The following KLC1 variants were observed in gnomAD, a reference collection of about 807,000 sequenced individuals.
The protein encoded by KLC1 is kinesin 2 60/70kDa.
KLC1 carries 30 observed loss-of-function variants against 84.2 expected under a neutral mutation model. The observed-to-expected ratio is 0.36, with a 90% CI of 0.27 to 0.48. The LOEUF (loss-of-function observed/expected upper bound fraction) is 0.48, where lower values mean the gene tolerates loss of function less well. Among genes scored for constraint, KLC1 ranks in the 20% least tolerant of loss-of-function variants. The pLI, the probability that KLC1 is intolerant of heterozygous loss-of-function variation, is 0.99. For synonymous variants in KLC1, 289 were observed against 293.3 expected (o/e 0.99, Z 0.15); for missense variants, 499 against 805.4 (o/e 0.62, Z 4.60).
intron 3 of KLC1, among the ~76,000 whole-genome samples, chr14:103,658,481 G>T (rs374787389): frequency 4.5e-5 from 6 of 133,916 alleles, no homozygotes; most frequent in African/African-American, 1.5e-4. Flanking sequence ...CACTGTTTTG[G>T]CCAGGCTGGT....
At position 103,679,372 on chromosome 14, in the gene KLC1, C is replaced by T. The variant is rs1358026959; in HGVS notation, c.1489-12C>T. 2 of 1,613,560 alleles carry T rather than the reference C, an allele frequency of 1.2e-6. No homozygotes were observed. Among genetic ancestry groups the T allele is most frequent in the Admixed American group, 1.7e-5 (1 of 59,974 alleles). On this transcript the variant is annotated splice_polypyrimidine_tract_variant and intron_variant, in intron 12 of 16. Transcript: ENST00000334553. ...TAATGGGTCAAACCATTTTCCCCTG[C>T]CTGGCTCACAGGGTCTTGACAATGT...
chr14:103,657,518 A>G (rs2078929738), intron 2 of KLC1, 28 bp from the exon 3 acceptor site: 3 of 1,578,268 alleles, frequency 1.9e-6, no homozygotes, highest in Admixed American at 1.7e-5. Context: ...AACGTGCCAC[A>G]GTGCTGCACA....
chr14:103,644,306 C>T (rs1326817701), intron 1 of KLC1, among the ~76,000 whole-genome samples: 2 of 149,604 alleles, frequency 1.3e-5, no homozygotes, highest in Non-Finnish European at 3.0e-5. Flanking sequence ...GTCGCCCAGG[C>T]TGGAGTGCAG....
chr14:103,633,712 C>G (rs2076853940), intron 1 of KLC1, among the ~76,000 whole-genome samples: 1 of 152,082 alleles, frequency 6.6e-6, no homozygotes, highest in South Asian at 2.1e-4. Flanking sequence ...TGCTCTGGCC[C>G]TACTCAAGCA....
intron 1 of KLC1, among the ~76,000 whole-genome samples, chr14:103,635,748 C>T (rs1358304523): frequency 1.3e-5 from 2 of 150,928 alleles, no homozygotes; most frequent in Admixed American, 1.3e-4. Flanking sequence ...GTGAGACTCC[C>T]ATCTCAAAAA....
chr14:103,663,148 C>T (rs1240420571), intron 5 of KLC1, among the ~76,000 whole-genome samples: 6 of 150,290 alleles, frequency 4.0e-5, no homozygotes, highest in Non-Finnish European at 7.4e-5. Flanking sequence ...GGTGTGATCT[C>T]GGTTCACTGC....
chr14:103,670,385 G>T (rs2151667944), intron 7 of KLC1, 102 bp downstream of exon 7: 1 of 711,520 alleles, frequency 1.4e-6, no homozygotes, highest in South Asian at 1.8e-5. Flanking sequence ...TCACCGGGCT[G>T]GAGTGCGGTG....
At chr14:103,675,889 C>G (rs749054089) in intron 11 of KLC1, 133 bp downstream of exon 11, 7 of 695,006 alleles carry the variant, frequency 1.0e-5, no homozygotes, top group Non-Finnish European at 1.7e-5. Context: ...TCCCGAATTC[C>G]AATTAAAAAA....
chr14:103,669,436 A>G lies in KLC1; in HGVS notation c.798-75A>G. 3.2e-6 allele frequency: 3 copies of G among 933,412 alleles called. No homozygotes were observed. The South Asian group carries it at 4.3e-5, about 14-fold the overall frequency. The allele number at this position is 933,412 out of a possible 1,614,324, so 57.8% of individuals were successfully genotyped here. Reference sequence around the variant, plus strand: ...GCAACAGAGTCAGACTCTGTCTAAAAAAAAAGAAAAGAAAAGAAAAGAAAA... The same window carrying G: ...GCAACAGAGTCAGACTCTGTCTAAAGAAAAAGAAAAGAAAAGAAAAGAAAA... On this transcript the variant is annotated intron_variant, in intron 5 of 16. Transcript: ENST00000334553.
chr14:103,637,774 G>T (rs925188924), intron 1 of KLC1, among the ~76,000 whole-genome samples: 5 of 151,964 alleles, frequency 3.3e-5, no homozygotes, highest in Admixed American at 3.3e-4. Context: ...TGTCACAGTC[G>T]TGGCTCAGTG....
intron 15 of KLC1, chr14:103,695,419 A>ATT (rs2082385170): frequency 8.1e-6 from 8 of 984,680 alleles, no homozygotes; most frequent in Admixed American, 1.2e-4. Flanking sequence ...CCCCCCCAAA[A>ATT]AAAGGGGGGT....
intron 1 of KLC1, among the ~76,000 whole-genome samples, chr14:103,633,330 T>A (rs2151258949): frequency 6.6e-6 from 1 of 152,146 alleles, no homozygotes; most frequent in East Asian, 1.9e-4. Flanking sequence ...GTGCTGGGAT[T>A]ACAGGCGTGA....
At chr14:103,688,400 C>G (rs1180594252) in intron 14 of KLC1, among the ~76,000 whole-genome samples, 1 of 152,182 alleles carries the variant, frequency 6.6e-6, no homozygotes, top group Admixed American at 6.5e-5. Flanking sequence ...ATCTTCCCGT[C>G]TCGGCCTCCC....
Position 103,654,648 on chromosome 14 carries a change from A to C in KLC1, c.84A>C (p.Thr28=), listed in dbSNP as rs200795613. 6.1e-5 allele frequency: 99 copies of C among 1,614,226 alleles called. No individual in the cohort carries two copies. In the East Asian group the frequency reaches 2.2e-3, roughly 36 times the overall value. Residue 28 remains threonine, a synonymous_variant, in exon 2 of 17, where the codon ACA becomes ACC. Coordinates refer to ENST00000334553, the MANE Select transcript of KLC1 (RefSeq NM_001394837.1). ...CACAGGATGAAATTATTTCTAAGAC[A>C]AAGCAAGTAATTCAGGGGCTGGAAG... is the stretch of plus-strand genomic sequence containing the variant. The part of the protein sequence containing the change: ...KLTQDEIISK[T]KQVIQGLEAL...
At chr14:103,698,567 A>G in intron 15 of KLC1, 1 of 576,568 alleles carries the variant, frequency 1.7e-6, no homozygotes, top group Admixed American at 3.0e-5. Flanking sequence ...CCAGGTACCC[A>G]GCAAGCGGGC....
intron 3 of KLC1, among the ~76,000 whole-genome samples, chr14:103,661,788 A>G (rs1262373499): frequency 3.3e-5 from 5 of 152,138 alleles, no homozygotes; most frequent in Non-Finnish European, 5.9e-5. Flanking sequence ...GTTCCCAAAT[A>G]AGATTTTATT....
At chr14:103,664,819 C>CT (rs34967823) in intron 5 of KLC1, among the ~76,000 whole-genome samples, 4,130 of 101,816 alleles carry the variant, frequency 0.041, 105 homozygotes, top group Non-Finnish European at 0.062. Context: ...TTGGCCAAGG[C>CT]TTTTTTTTTT....
chr14:103,658,428 GT>G (rs536826342), intron 3 of KLC1, among the ~76,000 whole-genome samples: 25,000 of 90,132 alleles, frequency 0.28, 3,427 homozygotes, highest in Non-Finnish European at 0.33. Context: ...GCCCAGCTAA[GT>G]TTTTTTTTTT....
chr14:103,684,798 T>C, intron 13 of KLC1: 2 of 586,616 alleles, frequency 3.4e-6, no homozygotes, highest in Admixed American at 2.9e-5. Flanking sequence ...AAGCATTTAG[T>C]TGAGGTGTAT....
Sources: gnomAD v4.1 joint callset for allele counts (sites outside exome capture counted in the v4.1 genomes callset) on GRCh38, gnomAD v4.1.1 for gene constraint, MANE v1.5 for transcripts, NCBI Gene and HGNC (gene_info 2026-07-23, HGNC 2026-07-21) for gene names.